The following PRKCQ variants were observed in gnomAD, a reference collection of about 807,000 sequenced individuals.
PRKCQ encodes the protein protein kinase C theta type.
PRKCQ carries 41 observed loss-of-function variants against 91.2 expected under a neutral mutation model. The ratio of observed to expected loss-of-function variants is 0.45; its 90% CI spans 0.35 to 0.58. The LOEUF (loss-of-function observed/expected upper bound fraction) is 0.58, where lower values mean the gene tolerates loss of function less well. Ranked by LOEUF, PRKCQ falls within the 20% of genes least tolerant of loss-of-function variation. The probability of loss-of-function intolerance (pLI) is 0.00; values close to 1 mark genes in which losing one functional copy is unlikely to be tolerated. For synonymous variants in PRKCQ, 307 were observed against 316.9 expected (o/e 0.97, Z 0.33); for missense variants, 673 against 896.5 (o/e 0.75, Z 3.18).
chr10:6,453,259 G>T (rs905395795), intron 15 of PRKCQ, among the ~76,000 whole-genome samples: 2 of 152,150 alleles, frequency 1.3e-5, no homozygotes, highest in African/African-American at 2.4e-5. Flanking sequence ...AGTGGGCGAA[G>T]GATATGAACA....
chr10:6,563,318 T>C (rs1001917520), intron 1 of PRKCQ, among the ~76,000 whole-genome samples: 1 of 151,964 alleles, frequency 6.6e-6, no homozygotes, highest in South Asian at 2.1e-4. Context: ...ATGACTGAGC[T>C]CTACTGCATG....
At chr10:6,566,347 G>T (rs368583989) in intron 1 of PRKCQ, among the ~76,000 whole-genome samples, 12 of 152,148 alleles carry the variant, frequency 7.9e-5, no homozygotes, top group East Asian at 7.7e-4. Context: ...TACAGCCCTA[G>T]GAGCTTGAAA....
intron 4 of PRKCQ, among the ~76,000 whole-genome samples, chr10:6,503,828 G>A (rs1838043231): frequency 6.6e-6 from 1 of 152,176 alleles, no homozygotes; most frequent in African/African-American, 2.4e-5. Context: ...CCAGGCTAGA[G>A]TGCAGTGGCA....
chr10:6,492,082 G>T (rs776611771), intron 7 of PRKCQ, among the ~76,000 whole-genome samples: 2 of 152,300 alleles, frequency 1.3e-5, no homozygotes, highest in Middle Eastern at 6.8e-3. Context: ...ACACAGACAG[G>T]CTAAAAGCTC....
the PRKCQ span, among the ~76,000 whole-genome samples, chr10:6,421,690 G>A: frequency 6.6e-6 from 1 of 152,206 alleles, no homozygotes; most frequent in Non-Finnish European, 1.5e-5. This position sits in a 1 kb window ranked among gnomAD's most constrained non-coding sequence, Gnocchi z 4.1. Flanking sequence ...TTTGTCATGT[G>A]CTATAAGAAA....
chr10:6,471,244 A>G (rs1835948024), intron 12 of PRKCQ, among the ~76,000 whole-genome samples: 1 of 152,220 alleles, frequency 6.6e-6, no homozygotes, highest in Admixed American at 6.5e-5. Context: ...GCATCTTGGT[A>G]TCAAGGAATG....
At chr10:6,562,207 C>T (rs1344174964) in intron 1 of PRKCQ, among the ~76,000 whole-genome samples, 1 of 152,142 alleles carries the variant, frequency 6.6e-6, no homozygotes, top group Non-Finnish European at 1.5e-5. Flanking sequence ...GGTTCTCCTG[C>T]AGGGCAGCCT....
At chr10:6,404,414 TC>T in the PRKCQ span, among the ~76,000 whole-genome samples, 2 of 150,222 alleles carry the variant, frequency 1.3e-5, no homozygotes. Context: ...CTTCTTTCTT[TC>T]TTTTTTCTCT....
the PRKCQ span, among the ~76,000 whole-genome samples, chr10:6,400,039 G>A: frequency 6.6e-6 from 1 of 152,174 alleles, no homozygotes; most frequent in Non-Finnish European, 1.5e-5. Flanking sequence ...ACGGTTTGAC[G>A]CACGTCAGAA....
the PRKCQ span, among the ~76,000 whole-genome samples, chr10:6,406,754 T>C: frequency 6.6e-6 from 1 of 152,288 alleles, no homozygotes; most frequent in African/African-American, 2.4e-5. Flanking sequence ...TGGCTCACCG[T>C]CATTACCATG....
At chr10:6,506,780 T>C (rs1466220881) in intron 4 of PRKCQ, among the ~76,000 whole-genome samples, 1 of 152,238 alleles carries the variant, frequency 6.6e-6, no homozygotes, top group Non-Finnish European at 1.5e-5. Flanking sequence ...GAATTTACCA[T>C]CAGTAAGTTT....
At position 6,568,814 on chromosome 10, in the gene PRKCQ, T is replaced by A. The variant is rs186728187; in HGVS notation, c.-10+11397A>T. 4.6e-5 allele frequency among the ~76,000 whole-genome samples: 7 copies of A among 152,228 alleles called. No homozygotes were observed. In the East Asian group the frequency reaches 1.2e-3, roughly 25 times the overall value. Reference sequence around the variant, plus strand: ...CGCCCGGCCAGTTTAATCTTTTTTTTAATTATTGACATTACAGTGGTCCAC... The same window carrying A: ...CGCCCGGCCAGTTTAATCTTTTTTTAAATTATTGACATTACAGTGGTCCAC... On this transcript the variant is annotated intron_variant, in intron 1 of 17. Transcript: ENST00000263125.
At chr10:6,472,776 G>A (rs1239394018) in intron 12 of PRKCQ, among the ~76,000 whole-genome samples, 1 of 152,114 alleles carries the variant, frequency 6.6e-6, no homozygotes, top group Non-Finnish European at 1.5e-5. Flanking sequence ...GCAGTGGTGT[G>A]GTCTCAGCTC....
At chr10:6,557,376 T>A (rs1401826725) in intron 1 of PRKCQ, among the ~76,000 whole-genome samples, 1 of 152,194 alleles carries the variant, frequency 6.6e-6, no homozygotes, top group Admixed American at 6.5e-5. Flanking sequence ...CTATACCAAA[T>A]GTAACTCTGT....
chr10:6,540,628 T>TGTTC (rs1839742847), intron 1 of PRKCQ, among the ~76,000 whole-genome samples: 2 of 152,260 alleles, frequency 1.3e-5, no homozygotes, highest in South Asian at 4.1e-4. Flanking sequence ...TTTGTTTGTT[T>TGTTC]GTTCCTCTGC....
chr10:6,481,776 A>G (rs1013817422), intron 11 of PRKCQ, among the ~76,000 whole-genome samples: 1 of 152,212 alleles, frequency 6.6e-6, no homozygotes, highest in Non-Finnish European at 1.5e-5. Flanking sequence ...GATTCATAGA[A>G]CAGTCATCTC....
chr10:6,421,844 C>G, the PRKCQ span, among the ~76,000 whole-genome samples: 1 of 152,156 alleles, frequency 6.6e-6, no homozygotes, highest in Non-Finnish European at 1.5e-5. This position sits in a 1 kb window ranked among gnomAD's most constrained non-coding sequence, Gnocchi z 4.1. Context: ...CTCATCTAAC[C>G]GTGCTGAACT....
intron 16 of PRKCQ, among the ~76,000 whole-genome samples, chr10:6,434,800 C>G (rs76652255): frequency 0.016 from 2,383 of 152,312 alleles, 48 homozygotes; most frequent in Middle Eastern, 0.044. Context: ...AGTCCCTCCT[C>G]AGATATGTCT....
At chr10:6,462,443 TTC>T in intron 13 of PRKCQ, 78 bp from the exon 14 acceptor site, 1 of 1,322,430 alleles carries the variant, frequency 7.6e-7, no homozygotes, top group East Asian at 2.3e-5. Context: ...ACTGACCTTT[TTC>T]TGACATGCTG....
Sources: gnomAD v4.1 joint callset for allele counts (sites outside exome capture counted in the v4.1 genomes callset) on GRCh38, gnomAD v4.1.1 for gene constraint, Gnocchi (gnomAD v3.1) non-coding constraint, MANE v1.5 for transcripts, NCBI Gene and HGNC (gene_info 2026-07-23, HGNC 2026-07-21) for gene names.